Variants in COL26A1 observed in about 807,000 individuals in gnomAD.
COL26A1 encodes the protein collagen type XXVI alpha 1 chain, also known as collagen alpha-1(XXVI) chain.
A neutral mutation model predicts 59.3 loss-of-function variants in COL26A1; 41 were observed. That is an observed-to-expected ratio of 0.69 (90% confidence interval 0.54 to 0.90). COL26A1 has a LOEUF of 0.90. COL26A1 is among the 40% of genes least tolerant of loss of function. The pLI is 0.00. For missense variants in COL26A1, 612 were observed against 602.3 expected, an observed-to-expected ratio of 1.02 and a Z score of -0.17; for synonymous variants, 266 against 256.0, an observed-to-expected ratio of 1.04 and a Z score of -0.37.
chr7:101,400,756 A>T (rs1291622015), intron 1 of COL26A1, among the ~76,000 whole-genome samples: 2 of 151,982 alleles, frequency 1.3e-5, no homozygotes, highest in Admixed American at 1.3e-4. Context: ...ACCGGGTTTC[A>T]CCATGTTGGC....
intron 3 of COL26A1, among the ~76,000 whole-genome samples, chr7:101,493,384 CG>C (rs1273815015): frequency 6.6e-6 from 1 of 152,076 alleles, no homozygotes; most frequent in Non-Finnish European, 1.5e-5. Flanking sequence ...CAGAAGTCCC[CG>C]CCTCCATGAA....
intron 3 of COL26A1, among the ~76,000 whole-genome samples, chr7:101,511,898 C>T (rs775281127): frequency 3.3e-5 from 5 of 152,040 alleles, no homozygotes; most frequent in East Asian, 1.9e-4. Flanking sequence ...GAGGCTGAGG[C>T]GGGAGAATTG....
intron 10 of COL26A1, 62 bp from the exon 11 acceptor site, chr7:101,553,261 CTGG>C: frequency 6.8e-7 from 1 of 1,473,862 alleles, no homozygotes; most frequent in Non-Finnish European, 9.4e-7. Flanking sequence ...CCCCAGGGAA[CTGG>C]AGAGGGTGGA....
chr7:101,488,536 C>T (rs1040098943), intron 3 of COL26A1, among the ~76,000 whole-genome samples: 4 of 150,966 alleles, frequency 2.6e-5, no homozygotes, highest in East Asian at 2.0e-4. Context: ...CCACCACGCC[C>T]GGCTATTTTT....
intron 3 of COL26A1, among the ~76,000 whole-genome samples, chr7:101,474,737 A>G (rs1323480858): frequency 2.6e-5 from 4 of 152,256 alleles, no homozygotes; most frequent in Non-Finnish European, 5.9e-5. Context: ...CCTGTGACAC[A>G]AGATAGATTA....
At chr7:101,478,782 T>G (rs1486039207) in intron 3 of COL26A1, among the ~76,000 whole-genome samples, 2 of 152,172 alleles carry the variant, frequency 1.3e-5, no homozygotes, top group Non-Finnish European at 2.9e-5. Flanking sequence ...CTAGACAAAT[T>G]TCTCTACTTT....
At position 101,501,566 on chromosome 7, in the gene COL26A1, C is replaced by T. The variant is rs1292719109; in HGVS notation, c.386-31516C>T. Reference sequence around the variant, plus strand: ...TGTCCAGATGGAAGCCAGGTTCCTCCAGGAGCTGCCCCTCTTTTCAGCCCT... The same window carrying T: ...TGTCCAGATGGAAGCCAGGTTCCTCTAGGAGCTGCCCCTCTTTTCAGCCCT... On this transcript the variant is annotated intron_variant, in intron 3 of 12. Coordinates refer to ENST00000313669, the MANE Select transcript of COL26A1 (RefSeq NM_001278563.3). Among the ~76,000 whole-genome samples, 3 of 151,838 alleles carry T rather than the reference C, an allele frequency of 2.0e-5. No individual in the cohort carries two copies. In the East Asian group the frequency reaches 5.8e-4, roughly 30 times the overall value.
In COL26A1 at chr7:101,371,485, TA is replaced by T. The variant is rs879560039; in HGVS notation, c.158+8309del. 2.5e-3 allele frequency among the ~76,000 whole-genome samples: 111 copies of T among 45,136 alleles called. 1 individual carries two copies. Among genetic ancestry groups the T allele is most frequent in the Middle Eastern group, 9.1e-3 (1 of 110 alleles). The allele number at this position is 45,136 out of a possible 152,430, so 29.6% of individuals were successfully genotyped here. On this transcript the variant is annotated intron_variant, in intron 1 of 12. Transcript: ENST00000313669. ...ACAACATAGCCAGACCCTGTCTCTG[TA>T]AAAAAAAAAAAAATTAAAAAATTAG...
intron 3 of COL26A1, among the ~76,000 whole-genome samples, chr7:101,510,906 T>TCC (rs1563019758): frequency 1.4e-5 from 2 of 146,414 alleles, no homozygotes; most frequent in Non-Finnish European, 3.0e-5. Flanking sequence ...TTCTTTTTTT[T>TCC]TTTTTTTTTT....
In COL26A1 at chr7:101,387,719, CAT is replaced by C. The variant is rs1265823292; in HGVS notation, c.158+24534_158+24535del. 6.8e-4 allele frequency among the ~76,000 whole-genome samples: 79 copies of C among 115,852 alleles called. No homozygotes were observed. The East Asian group carries it at 0.012, about 18-fold the overall frequency. 76.0% of individuals were successfully genotyped at this position (115,852 alleles called of 152,430 possible). A position where few individuals can be genotyped will look rare whatever the true frequency, so the allele number is the denominator to read the frequency against. On this transcript the variant is annotated intron_variant, in intron 1 of 12. Transcript: ENST00000313669. The stretch of plus-strand genomic sequence containing the variant: ...ATATATATATTGTAATATTTTTTAA[CAT>C]ATATTTTAATATAATTATATATATA...
At chr7:101,441,925 C>T (rs1174846888) in intron 2 of COL26A1, among the ~76,000 whole-genome samples, 2 of 152,162 alleles carry the variant, frequency 1.3e-5, no homozygotes, top group East Asian at 1.9e-4. Context: ...CTGGTATCCT[C>T]ATCATACAGA....
intron 2 of COL26A1, among the ~76,000 whole-genome samples, chr7:101,429,882 G>A (rs1235800828): frequency 6.6e-6 from 1 of 152,092 alleles, no homozygotes; most frequent in Non-Finnish European, 1.5e-5. Flanking sequence ...ACAGGAGTAA[G>A]TCACCATGCT....
At chr7:101,433,685 C>T (rs1462706593) in intron 2 of COL26A1, among the ~76,000 whole-genome samples, 1 of 151,984 alleles carries the variant, frequency 6.6e-6, no homozygotes, top group Non-Finnish European at 1.5e-5. Flanking sequence ...AGGACAGCTG[C>T]AGGGACCAAT....
At chr7:101,376,038 G>A (rs1297448458) in intron 1 of COL26A1, among the ~76,000 whole-genome samples, 2 of 149,826 alleles carry the variant, frequency 1.3e-5, no homozygotes, top group African/African-American at 4.9e-5. Context: ...ATGTGTGATT[G>A]TAGTCCCAGC....
intron 2 of COL26A1, among the ~76,000 whole-genome samples, chr7:101,444,750 T>C (rs995383140): frequency 6.6e-6 from 1 of 151,692 alleles, no homozygotes; most frequent in African/African-American, 2.4e-5. Flanking sequence ...CAGTGTTCAG[T>C]GTTCAGGACA....
At chr7:101,380,287 G>T (rs1453393420) in intron 1 of COL26A1, among the ~76,000 whole-genome samples, 2 of 143,294 alleles carry the variant, frequency 1.4e-5, no homozygotes, top group African/African-American at 5.1e-5. Context: ...ACTGCACCCA[G>T]CTACATTTTT....
At chr7:101,378,513 C>T (rs1425083874) in intron 1 of COL26A1, among the ~76,000 whole-genome samples, 1 of 152,046 alleles carries the variant, frequency 6.6e-6, no homozygotes, top group African/African-American at 2.4e-5. Context: ...CAGAGCAAGA[C>T]TCCATCTAAA....
At chr7:101,384,230 GTTTTTTTTTT>G (rs35085221) in intron 1 of COL26A1, among the ~76,000 whole-genome samples, 1 of 105,684 alleles carries the variant, frequency 9.5e-6, no homozygotes, top group African/African-American at 3.9e-5. Flanking sequence ...GTTCAGGCTG[GTTTTTTTTTT>G]TTTTTTTTTT....
At chr7:101,406,853 G>A (rs1471117789) in intron 1 of COL26A1, among the ~76,000 whole-genome samples, 3 of 152,168 alleles carry the variant, frequency 2.0e-5, no homozygotes, top group African/African-American at 7.2e-5. Flanking sequence ...GAGAGGCTGA[G>A]GCAGGAGGAT....
Sources: gnomAD v4.1 joint callset for allele counts (sites outside exome capture counted in the v4.1 genomes callset) on GRCh38, gnomAD v4.1.1 for gene constraint, MANE v1.5 for transcripts, NCBI Gene and HGNC (gene_info 2026-07-23, HGNC 2026-07-21) for gene names.